Variants in FAT2 observed in about 807,000 individuals in gnomAD.
FAT2 encodes the protein FAT atypical cadherin 2.
A neutral mutation model predicts 295.3 loss-of-function variants in FAT2; 150 were observed. The ratio of observed to expected loss-of-function variants is 0.51; its 90% CI spans 0.44 to 0.58. The LOEUF (loss-of-function observed/expected upper bound fraction) is 0.58, where lower values mean the gene tolerates loss of function less well. Among genes scored for constraint, FAT2 ranks in the 20% least tolerant of loss-of-function variants. The probability of loss-of-function intolerance (pLI) is 0.00; values close to 1 mark genes in which losing one functional copy is unlikely to be tolerated. For missense variants in FAT2, 4,868 were observed against 5,442.7 expected (o/e 0.89, Z 3.32); for synonymous variants, 2,026 against 2,150.3 (o/e 0.94, Z 1.60).
At position 151,542,663 on chromosome 5, in the gene FAT2, T is replaced by C; in HGVS notation, c.8464A>G (p.Ile2822Val). 6.2e-7 allele frequency: 1 copy of C among 1,614,212 alleles called. No homozygotes were observed. The change falls in exon 10 of 24, where the codon ATT becomes GTT. Residue 2822 changes from isoleucine to valine, a missense_variant. Transcript: ENST00000261800. Reference protein sequence around the residue: ...VGTSVIQVTAIDKDTGRDGQV... With the variant: ...VGTSVIQVTAVDKDTGRDGQV... ...CCATCTCTCCCAGTGTCCTTGTCAA[T>C]GGCAGTCACTTGAATGACTGAGGTC...
chr5:151,513,708 G>T lies in FAT2; in HGVS notation c.11464-1102C>A, dbSNP rs141550216. ...ATCCCCTATGATACATCGGTTACCC[G>T]TATAACAAACCTGCATATGTACCCC... On this transcript the variant is annotated intron_variant, in intron 20 of 23. Coordinates refer to ENST00000261800, the MANE Select transcript of FAT2 (RefSeq NM_001447.3). 3.2e-3 allele frequency among the ~76,000 whole-genome samples: 494 copies of T among 152,112 alleles called. 4 individuals are homozygous for T. Among genetic ancestry groups the T allele is most frequent in the African/African-American group, 0.011 (468 of 41,498 alleles).
intron 23 of FAT2, 96 bp downstream of exon 23, chr5:151,507,058 G>A (rs1760943867): frequency 1.8e-6 from 2 of 1,101,612 alleles, no homozygotes; most frequent in Admixed American, 4.8e-5. Context: ...TGGATGCGTG[G>A]TAGCTAAAAA....
rs1318562236 is a variant in FAT2 at position 151,546,161 on chromosome 5, T to C, written c.4966A>G (p.Ser1656Gly). 6.2e-7 allele frequency: 1 copy of C among 1,614,134 alleles called. No individual in the cohort carries two copies. The highest frequency in any genetic ancestry group is 8.5e-7 in the Non-Finnish European group (1 of 1,180,010). Residue 1656 changes from serine (S) to glycine (G), a missense_variant, in exon 10 of 24, where the codon AGT becomes GGT. By Grantham distance (56) the Ser-to-Gly change is moderately conservative. Around this residue, in one of 5 missense-constraint regions of FAT2, gnomAD observed 3,297 missense variants for 3,669.4 expected, o/e 0.90. Transcript: ENST00000261800. ...TCAGATTTTGAAAAGATGGGGGCAC[T>C]CCTATCTGAGGGATAGACATGAATG... ...VIIHVYPSDRSAPIFSKSEYF... is the reference protein window; with the variant it reads ...VIIHVYPSDRGAPIFSKSEYF...
intron 12 of FAT2, 81 bp from the exon 13 acceptor site, chr5:151,534,723 A>G: frequency 8.2e-7 from 1 of 1,220,330 alleles, no homozygotes; most frequent in Non-Finnish European, 1.2e-6. Flanking sequence ...TCTACAGGAG[A>G]CAAACCCAGC....
At chr5:151,536,877 CT>C (rs1267655068) in intron 12 of FAT2, among the ~76,000 whole-genome samples, 18 of 152,312 alleles carry the variant, frequency 1.2e-4, no homozygotes, top group African/African-American at 4.3e-4. Context: ...GGGCCTCATT[CT>C]TTGTCCTCTC....
chr5:151,521,512 T>C lies in FAT2; in HGVS notation c.11081A>G (p.Tyr3694Cys). The C allele has an allele frequency of 6.2e-7, 1 of 1,614,196 alleles. No homozygotes were observed. Among genetic ancestry groups the C allele is most frequent in the Non-Finnish European group, 8.5e-7 (1 of 1,180,024 alleles). Residue 3694 changes from tyrosine (Y) to cysteine (C), a missense_variant, in exon 19 of 24, where the codon TAC becomes TGC. Around this residue, in one of 5 missense-constraint regions of FAT2, gnomAD observed 1,046 missense variants for 1,210.1 expected, o/e 0.86. Transcript: ENST00000261800. ...LVFEGHSGTF[Y>C]EFQELASIIT... ...GATGGATGCTAGCTCCTGAAACTCGTAGAAGGTTCCAGAATGCCCCTCAAA... is the reference window on the plus strand; with the variant it reads ...GATGGATGCTAGCTCCTGAAACTCGCAGAAGGTTCCAGAATGCCCCTCAAA...
At chr5:151,562,235 G>A (rs13159039) in intron 3 of FAT2, among the ~76,000 whole-genome samples, 40,340 of 152,020 alleles carry the variant, frequency 0.27, 7,009 homozygotes, top group Non-Finnish European at 0.39. Context: ...TAAGAATAAA[G>A]GGACTGCCCG....
At position 151,528,079 on chromosome 5, in the gene FAT2, T is replaced by C. The variant is rs1754207852; in HGVS notation, c.10081A>G (p.Ile3361Val). 2 of 1,613,538 alleles carry C rather than the reference T, an allele frequency of 1.2e-6. No individual in the cohort carries two copies. The highest frequency in any genetic ancestry group is 1.7e-5 in the Admixed American group (1 of 60,014). Reference sequence around the variant, plus strand: ...AAGTGCCCAAGCTGGTTCCCTCCTATGAGGCTATAGGTAATGTCACTATTT... The same window carrying C: ...AAGTGCCCAAGCTGGTTCCCTCCTACGAGGCTATAGGTAATGTCACTATTT... Reference protein sequence around the residue: ...PLNSDITYSLIGGNQLGHFTI... With the variant: ...PLNSDITYSLVGGNQLGHFTI... The change falls in exon 16 of 24, where the codon ATA (isoleucine) becomes GTA (valine). Residue 3361 changes from isoleucine (I) to valine (V), a missense_variant. Transcript: ENST00000261800.
rs372720537 is a variant in FAT2 at position 151,567,972 on chromosome 5, G to A, written c.960C>T (p.Ile320=). 6.2e-7 allele frequency: 1 copy of A among 1,614,204 alleles called. No individual in the cohort carries two copies. The highest frequency in any genetic ancestry group is 1.1e-5 in the South Asian group (1 of 91,080). Residue 320 remains isoleucine, a synonymous_variant, in exon 2 of 24, where the codon ATC becomes ATT. Coordinates refer to ENST00000261800, the MANE Select transcript of FAT2 (RefSeq NM_001447.3). ...NEFSLVSVKD[I]NWMEYLHGFN... is the part of the protein sequence containing the mutation. ...ACCCATGAAGGTACTCCATCCAGTT[G>A]ATGTCTTTGACAGACACCAAACTGA...
Position 151,521,472 on chromosome 5 carries a change from G to A in FAT2, c.11121C>T (p.Ala3707=), listed in dbSNP as rs557384981. Residue 3707 remains alanine (A), a synonymous_variant, in exon 19 of 24, where the codon GCC becomes GCT. Coordinates refer to ENST00000261800, the MANE Select transcript of FAT2 (RefSeq NM_001447.3). Reference sequence around the variant, plus strand: ...CCCCCACTGAATGCTCCATCTCCTTGGCTGAGTGAGTGATGATGGATGCTA... The same window carrying A: ...CCCCCACTGAATGCTCCATCTCCTTAGCTGAGTGAGTGATGATGGATGCTA... ...QELASIITHS[A]KEMEHSVGVQ... is the part of the protein sequence containing the mutation. 17 of 1,614,198 alleles carry A rather than the reference G, an allele frequency of 1.1e-5. No individual in the cohort carries two copies. The South Asian group carries it at 1.5e-4, about 15-fold the overall frequency.
At chr5:151,571,486 C>T (rs1469166986) in intron 1 of FAT2, among the ~76,000 whole-genome samples, 1 of 152,226 alleles carries the variant, frequency 6.6e-6, no homozygotes, top group East Asian at 1.9e-4. Flanking sequence ...GATGGCTGCA[C>T]CGGTGCCTTG....
chr5:151,568,980 AGTTAGGGG>A, intron 1 of FAT2, 29 bp from the exon 2 acceptor site: 1 of 1,532,208 alleles, frequency 6.5e-7, no homozygotes, highest in Non-Finnish European at 8.7e-7. Context: ...ACAGGGTGCA[AGTTAGGGG>A]GAAAAAATGG....
At chr5:151,522,879 T>C (rs1753624542) in intron 18 of FAT2, among the ~76,000 whole-genome samples, 2 of 151,906 alleles carry the variant, frequency 1.3e-5, no homozygotes, top group African/African-American at 4.8e-5. Context: ...ACGCGCAGGG[T>C]TGCAGTTAAT....
rs1217215770 is a variant in FAT2, at chr5:151,536,598, T to A, written c.9193+1195A>T. Among the ~76,000 whole-genome samples the A allele has an allele frequency of 3.3e-5, 5 of 152,186 alleles. No individual in the cohort carries two copies. The South Asian group carries it at 1.0e-3, about 32-fold the overall frequency. The stretch of plus-strand genomic sequence containing the variant: ...CACCAGACTCTCACAGCCCAGCCTC[T>A]CCTGGCTACTCCTGGCCTACCCTGC... On this transcript the variant is annotated intron_variant, in intron 12 of 23. Transcript: ENST00000261800.
chr5:151,586,169 C>T (rs1310206723), intron 1 of FAT2, among the ~76,000 whole-genome samples: 1 of 152,258 alleles, frequency 6.6e-6, no homozygotes, highest in African/African-American at 2.4e-5. Flanking sequence ...AGCTCTGACA[C>T]TGGACACGTG....
chr5:151,543,883 T>C lies in FAT2; in HGVS notation c.7244A>G (p.Glu2415Gly), dbSNP rs767896931. ...DPDSRDTSRL[E>G]YLILSGNQDR... The stretch of plus-strand genomic sequence containing the variant: ...CTGATTGCCAGAAAGAATCAGGTAC[T>C]CCAGGCGGGAGGTGTCTCTGCTGTC... The change falls in exon 10 of 24, where the codon GAG becomes GGG. Residue 2415 changes from glutamate to glycine, a missense_variant. Glu to Gly is a moderately conservative substitution (Grantham distance 98). Transcript: ENST00000261800. 1 of 1,614,218 alleles carries C rather than the reference T, an allele frequency of 6.2e-7. No individual in the cohort carries two copies. The highest frequency in any genetic ancestry group is 8.5e-7 in the Non-Finnish European group (1 of 1,180,044).
At chr5:151,579,933 A>T (rs945485755) in intron 1 of FAT2, among the ~76,000 whole-genome samples, 6 of 152,172 alleles carry the variant, frequency 3.9e-5, no homozygotes, top group Non-Finnish European at 7.4e-5. Flanking sequence ...GCTATAATAG[A>T]TGTGAGAGGA....
chr5:151,565,093 T>A (rs1758187773), intron 2 of FAT2, among the ~76,000 whole-genome samples: 1 of 152,060 alleles, frequency 6.6e-6, no homozygotes, highest in Admixed American at 6.6e-5. Context: ...AAAAGAATTT[T>A]TTTCTGTAGA....
At chr5:151,537,998 C>T (rs779028421) in intron 11 of FAT2, 52 bp from the exon 12 acceptor site, 3 of 1,555,336 alleles carry the variant, frequency 1.9e-6, no homozygotes, top group Non-Finnish European at 2.6e-6. Context: ...GCATTCAGAT[C>T]CAGAGAGAAG....
Sources: gnomAD v4.1 joint callset for allele counts (sites outside exome capture counted in the v4.1 genomes callset) on GRCh38, gnomAD v4.1.1 for gene constraint, gnomAD v4.1.1 regional missense constraint, MANE v1.5 for transcripts, NCBI Gene and HGNC (gene_info 2026-07-23, HGNC 2026-07-21) for gene names.